Variants in TCF12 observed in about 807,000 individuals in gnomAD.
TCF12 encodes the protein DNA-binding protein HTF4.
TCF12 carries 45 observed loss-of-function variants against 86.0 expected under a neutral mutation model. The ratio of observed to expected loss-of-function variants is 0.52; its 90% CI spans 0.41 to 0.67. The LOEUF (loss-of-function observed/expected upper bound fraction) is 0.67, where lower values mean the gene tolerates loss of function less well. Among genes scored for constraint, TCF12 ranks in the 30% least tolerant of loss-of-function variants. TCF12 has a pLI of 0.00. For missense variants in TCF12, 881 were observed against 859.9 expected (o/e 1.02, Z -0.31); for synonymous variants, 330 against 299.6 (o/e 1.10, Z -1.05).
At chr15:57,159,764 T>G (rs1286137613) in intron 5 of TCF12, among the ~76,000 whole-genome samples, 3 of 152,230 alleles carry the variant, frequency 2.0e-5, no homozygotes, top group African/African-American at 7.2e-5. Context: ...TATGCTGAAT[T>G]CAAATTTATG....
intron 6 of TCF12, among the ~76,000 whole-genome samples, chr15:57,173,907 C>T (rs1157189428): frequency 6.6e-6 from 1 of 152,046 alleles, no homozygotes; most frequent in South Asian, 2.1e-4. Context: ...GGGGTTTCAC[C>T]ATATTGGCCA....
At chr15:57,241,609 G>C (rs916388916) in intron 12 of TCF12, among the ~76,000 whole-genome samples, 1 of 152,164 alleles carries the variant, frequency 6.6e-6, no homozygotes, top group African/African-American at 2.4e-5. Context: ...ACAAATTGGC[G>C]TATTTTGTTT....
At chr15:57,194,926 G>A (rs2057174810) in intron 7 of TCF12, among the ~76,000 whole-genome samples, 2 of 152,052 alleles carry the variant, frequency 1.3e-5, no homozygotes, top group African/African-American at 2.4e-5. Context: ...TTTTGAGACG[G>A]AGTTTCACTC....
rs149179953 is a variant in TCF12, at chr15:57,173,986, G to A, written c.390+7520G>A. Among the ~76,000 whole-genome samples the A allele has an allele frequency of 7.2e-5, 11 of 152,246 alleles. No homozygotes were observed. In the East Asian group the frequency reaches 1.9e-3, roughly 27 times the overall value. On this transcript the variant is annotated intron_variant, in intron 6 of 20. Transcript: ENST00000333725. Reference sequence around the variant, plus strand: ...CTCTCAAAGTGCTGGAATTACAGGCGTGAGCCACTGCACCCGGCCTGTATA... The same window carrying A: ...CTCTCAAAGTGCTGGAATTACAGGCATGAGCCACTGCACCCGGCCTGTATA...
intron 8 of TCF12, chr15:57,219,645 T>C: frequency 6.6e-7 from 1 of 1,526,064 alleles, no homozygotes; most frequent in East Asian, 2.3e-5. Flanking sequence ...GAAAGCAGTA[T>C]ACATTACTCG....
At chr15:57,178,803 A>G (rs1301296475) in intron 6 of TCF12, among the ~76,000 whole-genome samples, 2 of 152,224 alleles carry the variant, frequency 1.3e-5, no homozygotes, top group African/African-American at 4.8e-5. Context: ...AAAATCCCCT[A>G]TAGCATTTTT....
chr15:57,106,038 C>T (rs1014361990), intron 5 of TCF12, among the ~76,000 whole-genome samples: 11 of 152,196 alleles, frequency 7.2e-5, no homozygotes, highest in Non-Finnish European at 1.0e-4. Flanking sequence ...AATTACTCCA[C>T]ATCTATACAT....
chr15:57,272,786 C>T (rs536143144), intron 18 of TCF12, among the ~76,000 whole-genome samples: 1 of 152,268 alleles, frequency 6.6e-6, no homozygotes, highest in Non-Finnish European at 1.5e-5. Context: ...AATCTTTATG[C>T]TATAATGTGC....
intron 16 of TCF12, among the ~76,000 whole-genome samples, chr15:57,257,250 C>T (rs1815850672): frequency 6.6e-6 from 1 of 152,142 alleles, no homozygotes; most frequent in Admixed American, 6.5e-5. Flanking sequence ...TTCTTGGAGC[C>T]TATAACGTTT....
intron 19 of TCF12, among the ~76,000 whole-genome samples, chr15:57,276,199 A>G (rs1319913535): frequency 1.3e-5 from 2 of 152,224 alleles, no homozygotes; most frequent in Non-Finnish European, 2.9e-5. Flanking sequence ...GAGTTTGAAC[A>G]TAAATGGTGT....
At chr15:57,051,739 G>C (rs1301959424) in intron 3 of TCF12, among the ~76,000 whole-genome samples, 1 of 152,156 alleles carries the variant, frequency 6.6e-6, no homozygotes, top group African/African-American at 2.4e-5. Context: ...ATCTTACCCA[G>C]AGAGTCTGGT....
intron 17 of TCF12, 32 bp from the exon 18 acceptor site, chr15:57,263,075 CGTCTT>C: frequency 6.4e-7 from 1 of 1,574,394 alleles, no homozygotes; most frequent in Non-Finnish European, 8.6e-7. Flanking sequence ...ATATGAGTCT[CGTCTT>C]TTATTTTATC....
At chr15:57,221,879 T>C (rs2058614883) in intron 8 of TCF12, among the ~76,000 whole-genome samples, 1 of 152,070 alleles carries the variant, frequency 6.6e-6, no homozygotes, top group South Asian at 2.1e-4. Flanking sequence ...TGTCTCAAGA[T>C]TATATAAATG....
At chr15:57,119,278 GTTTGTTTGTTTGTTTT>G (rs1211409296) in intron 5 of TCF12, among the ~76,000 whole-genome samples, 1 of 151,210 alleles carries the variant, frequency 6.6e-6, no homozygotes, top group Non-Finnish European at 1.5e-5. Flanking sequence ...TTGTTTTTTT[GTTTGTTTGTTTGTTTT>G]TTTGTTTTTT....
At chr15:57,241,589 C>T (rs1238614791) in intron 12 of TCF12, among the ~76,000 whole-genome samples, 2 of 152,178 alleles carry the variant, frequency 1.3e-5, no homozygotes, top group Non-Finnish European at 2.9e-5. Context: ...TTATAAGTTA[C>T]TAATGTCATA....
At chr15:57,007,798 CTT>C (rs1366565154) in intron 3 of TCF12, among the ~76,000 whole-genome samples, 2 of 134,232 alleles carry the variant, frequency 1.5e-5, no homozygotes, top group African/African-American at 5.5e-5. Flanking sequence ...TTCTCTCTTT[CTT>C]TCTTTCTTTC....
intron 18 of TCF12, among the ~76,000 whole-genome samples, chr15:57,268,486 A>G (rs892079019): frequency 1.4e-4 from 21 of 152,230 alleles, no homozygotes; most frequent in African/African-American, 3.4e-4. Flanking sequence ...GACTCAGGCA[A>G]TTCTCCCATG....
chr15:57,116,598 C>T (rs956470140), intron 5 of TCF12, among the ~76,000 whole-genome samples: 13 of 152,060 alleles, frequency 8.5e-5, no homozygotes, highest in African/African-American at 2.2e-4. Context: ...CCACCTGCCT[C>T]GGCCTCCCAA....
chr15:57,011,344 C>A (rs1305022363), intron 3 of TCF12, among the ~76,000 whole-genome samples: 2 of 151,786 alleles, frequency 1.3e-5, no homozygotes, highest in Non-Finnish European at 2.9e-5. Context: ...GGGATCCACC[C>A]CCTCTTGTTC....
Sources: gnomAD v4.1 joint callset for allele counts (sites outside exome capture counted in the v4.1 genomes callset) on GRCh38, gnomAD v4.1.1 for gene constraint, MANE v1.5 for transcripts, NCBI Gene and HGNC (gene_info 2026-07-23, HGNC 2026-07-21) for gene names.